Variants in TEX15 observed in about 807,000 individuals in gnomAD.
TEX15 encodes the protein testis-expressed protein 15.
A neutral mutation model predicts 237.3 loss-of-function variants in TEX15; 171 were observed. The observed-to-expected ratio is 0.72, with a 90% CI of 0.64 to 0.82. The LOEUF is 0.82. TEX15 is among the 40% of genes least tolerant of loss of function. The probability of loss-of-function intolerance (pLI) is 0.00; values close to 1 mark genes in which losing one functional copy is unlikely to be tolerated. For missense variants in TEX15, 3,750 were observed against 3,646.5 expected, an observed-to-expected ratio of 1.03 and a Z score of -0.73; for synonymous variants, 1,338 against 1,269.8, an observed-to-expected ratio of 1.05 and a Z score of -1.14.
intron 8 of TEX15, 65 bp from the exon 9 acceptor site, chr8:30,840,029 T>C (rs945699290): frequency 3.2e-6 from 3 of 948,932 alleles, no homozygotes; most frequent in Admixed American, 6.0e-5. Context: ...AAATAATTAT[T>C]ATTTCAATAT....
In TEX15 at chr8:30,887,040, T is replaced by C. The variant is rs1808664380; in HGVS notation, c.136+127A>G. 10 of 787,562 alleles carry C rather than the reference T, an allele frequency of 1.3e-5. No homozygotes were observed. In the South Asian group the frequency reaches 1.8e-4, roughly 14 times the overall value. 48.8% of individuals were successfully genotyped at this position (787,562 alleles called of 1,614,324 possible). A position where few individuals can be genotyped will look rare whatever the true frequency, so the allele number is the denominator to read the frequency against. ...GAGTGGAAACATAAGTACATGTATG[T>C]TTAAGGAATTAGAGACCTGAATTAA... On this transcript the variant is annotated intron_variant, in intron 3 of 10. Transcript: ENST00000643185.
intron 4 of TEX15, among the ~76,000 whole-genome samples, chr8:30,873,389 A>G (rs1349756072): frequency 6.6e-6 from 1 of 152,166 alleles, no homozygotes; most frequent in Non-Finnish European, 1.5e-5. Context: ...CGATTGAGAA[A>G]ATAATGTTTC....
chr8:30,910,183 A>C (rs1809189627), intron 1 of TEX15, among the ~76,000 whole-genome samples: 1 of 152,170 alleles, frequency 6.6e-6, no homozygotes, highest in African/African-American at 2.4e-5. Flanking sequence ...TAAAAAAAAA[A>C]AAACTTTAAA....
Position 30,836,825 on chromosome 8 carries a change from A to G in TEX15, c.9459T>C (p.Pro3153=). ...TYPYLPNRFV[P]PEVPWVYAPW... ...CACCATAAACCCAAGGAACTTCTGG[A>G]GGCACAAATCGATTAGGAAGGTAAG... Residue 3153 remains proline, a synonymous_variant, in exon 10 of 11, where the codon CCT becomes CCC. Transcript: ENST00000643185. 1 of 1,607,176 alleles carries G rather than the reference A, an allele frequency of 6.2e-7. No homozygotes were observed. Among genetic ancestry groups the G allele is most frequent in the Non-Finnish European group, 8.5e-7 (1 of 1,176,984 alleles).
intron 1 of TEX15, among the ~76,000 whole-genome samples, chr8:30,899,161 C>G (rs1400373240): frequency 6.6e-6 from 1 of 152,202 alleles, no homozygotes; most frequent in Non-Finnish European, 1.5e-5. Context: ...TGTAACGCAG[C>G]ACATGAGCTT....
chr8:30,872,580 A>G (rs1003225333), intron 4 of TEX15, among the ~76,000 whole-genome samples: 1 of 152,098 alleles, frequency 6.6e-6, no homozygotes, highest in African/African-American at 2.4e-5. Context: ...TGAAGAAGGC[A>G]TTGTTATCAT....
rs181926616 is a variant in TEX15 at position 30,875,793 on chromosome 8, T to C, written c.137-691A>G. 4.0e-3 allele frequency among the ~76,000 whole-genome samples: 602 copies of C among 151,922 alleles called. 1 individual carries two copies. Among genetic ancestry groups the C allele is most frequent in the Admixed American group, 6.4e-3 (98 of 15,230 alleles). On this transcript the variant is annotated intron_variant, in intron 3 of 10. Transcript: ENST00000643185. ...GGGGGAAAGGAAAGGGTTAAGTTAC[T>C]GTGGGCATCTGGTCAATTTTTTTTT...
chr8:30,889,185 C>G (rs1460876708), intron 2 of TEX15, among the ~76,000 whole-genome samples: 1 of 152,182 alleles, frequency 6.6e-6, no homozygotes, highest in Non-Finnish European at 1.5e-5. Context: ...CTGTCTTTAA[C>G]TACAGTTAAG....
intron 9 of TEX15, among the ~76,000 whole-genome samples, chr8:30,838,824 A>AT (rs1364219383): frequency 7.1e-4 from 53 of 74,976 alleles, no homozygotes; most frequent in African/African-American, 2.1e-3. Context: ...ATATATATGA[A>AT]TTTTTTTTTG....
rs1196353128 is a variant in TEX15, at chr8:30,838,013, T to C, written c.8271A>G (p.Ser2757=). 1 of 1,613,856 alleles carries C rather than the reference T, an allele frequency of 6.2e-7. No homozygotes were observed. Among genetic ancestry groups the C allele is most frequent in the East Asian group, 2.2e-5 (1 of 44,880 alleles). The change falls in exon 10 of 11, where the codon TCA becomes TCG. Residue 2757 remains serine (S), a synonymous_variant. Coordinates refer to ENST00000643185, the MANE Select transcript of TEX15 (RefSeq NM_001350162.2). ...AATGATTTCTTTTCAGACTGTCACA[T>C]GAACTTGGTACTATTTTGTTTTCGC... ...PKSENKIVPS[S]CDSLKRNHLT... is the part of the protein sequence containing the mutation.
chr8:30,882,720 T>C (rs1160233935), intron 3 of TEX15, among the ~76,000 whole-genome samples: 1 of 152,264 alleles, frequency 6.6e-6, no homozygotes, highest in African/African-American at 2.4e-5. Flanking sequence ...AATTAGATCC[T>C]GTTGATTGAC....
intron 1 of TEX15, among the ~76,000 whole-genome samples, chr8:30,903,227 GTATC>G (rs1236585842): frequency 6.6e-6 from 1 of 152,176 alleles, no homozygotes; most frequent in African/African-American, 2.4e-5. Context: ...GGAGGATCCT[GTATC>G]TATCTAATTA....
chr8:30,857,898 G>A (rs557908018), intron 7 of TEX15, among the ~76,000 whole-genome samples: 7 of 152,284 alleles, frequency 4.6e-5, no homozygotes, highest in African/African-American at 1.4e-4. Context: ...AGTATGTGTT[G>A]ACAAGAATAT....
chr8:30,875,049 T>C lies in TEX15; in HGVS notation c.190A>G (p.Thr64Ala). ...ACATCAAGCCTGCACTGGTTAAGAG[T>C]ATCATGTATAAAACTATACTCTCTA... ...NSREYSFIHDTLNQCRLDVNC... is the reference protein window; with the variant it reads ...NSREYSFIHDALNQCRLDVNC... The change falls in exon 4 of 11, where the codon ACT (threonine) becomes GCT (alanine). Residue 64 changes from threonine to alanine, a missense_variant. By Grantham distance (58) the Thr-to-Ala change is moderately conservative (BLOSUM62 0). Coordinates refer to ENST00000643185, the MANE Select transcript of TEX15 (RefSeq NM_001350162.2). The C allele has an allele frequency of 7.5e-7, 1 of 1,332,892 alleles. No homozygotes were observed. The highest frequency in any genetic ancestry group is 9.6e-7 in the Non-Finnish European group (1 of 1,039,156). The allele number at this position is 1,332,892 out of a possible 1,614,324, so 82.6% of individuals were successfully genotyped here. A position where few individuals can be genotyped will look rare whatever the true frequency, so the allele number is the denominator to read the frequency against.
At chr8:30,879,025 G>A (rs1485413330) in intron 3 of TEX15, among the ~76,000 whole-genome samples, 1 of 151,996 alleles carries the variant, frequency 6.6e-6, no homozygotes, top group East Asian at 1.9e-4. Flanking sequence ...TTCCTTAATG[G>A]CTATGATGTT....
chr8:30,848,544 T>G lies in TEX15; in HGVS notation c.1623A>C (p.Pro541=), dbSNP rs764432378. ...CTGACACTACATTTGACACAGAAAT[T>G]GGGAAGGAAAAATTACCTTGGTCCT... The part of the protein sequence containing the change: ...QCKDQGNFSF[P]ISVSNVVSEV... The change falls in exon 8 of 11, where the codon CCA becomes CCC. Residue 541 remains proline (P), a synonymous_variant. Coordinates refer to ENST00000643185, the MANE Select transcript of TEX15 (RefSeq NM_001350162.2). 2.4e-5 allele frequency: 38 copies of G among 1,613,930 alleles called. No homozygotes were observed. The highest frequency in any genetic ancestry group is 3.2e-5 in the Non-Finnish European group (38 of 1,180,008).
At chr8:30,871,227 G>C (rs2128772513) in intron 4 of TEX15, among the ~76,000 whole-genome samples, 1 of 152,146 alleles carries the variant, frequency 6.6e-6, no homozygotes, top group South Asian at 2.1e-4. Context: ...TGCTATGTAA[G>C]GTGATATATT....
chr8:30,907,092 T>C (rs1205804518), intron 1 of TEX15, among the ~76,000 whole-genome samples: 5 of 152,186 alleles, frequency 3.3e-5, no homozygotes, highest in African/African-American at 9.7e-5. Flanking sequence ...CTAACCACCA[T>C]TGCCCTATGT....
chr8:30,839,879 C>A, intron 9 of TEX15, 27 bp downstream of exon 9: 1 of 1,536,970 alleles, frequency 6.5e-7, no homozygotes, highest in Non-Finnish European at 8.8e-7. Flanking sequence ...AATTTTTTTT[C>A]CACATAGGGC....
Sources: gnomAD v4.1 joint callset for allele counts (sites outside exome capture counted in the v4.1 genomes callset) on GRCh38, gnomAD v4.1.1 for gene constraint, MANE v1.5 for transcripts, NCBI Gene and HGNC (gene_info 2026-07-23, HGNC 2026-07-21) for gene names.